The following RBFOX1 variants were observed in gnomAD, a reference collection of about 807,000 sequenced individuals.
RBFOX1 encodes the protein RNA binding protein fox-1 homolog 1.
A neutral mutation model predicts 57.7 loss-of-function variants in RBFOX1; 8 were observed. The observed-to-expected ratio is 0.14, with a 90% CI of 0.08 to 0.25. The LOEUF is 0.25. RBFOX1 is among the 10% of genes least tolerant of loss of function. The pLI is 1.00. For missense variants in RBFOX1, 611 were observed against 548.5 expected (o/e 1.11, Z -1.14); for synonymous variants, 326 against 222.4 (o/e 1.47, Z -4.15).
intron 4 of RBFOX1, among the ~76,000 whole-genome samples, chr16:7,367,370 T>C (rs79786965): frequency 1.3e-5 from 2 of 152,310 alleles, no homozygotes; most frequent in East Asian, 3.9e-4. Flanking sequence ...TGTAAATCTG[T>C]CATTTTGGCT....
chr16:7,162,689 A>G (rs947656837), intron 4 of RBFOX1, among the ~76,000 whole-genome samples: 6 of 152,096 alleles, frequency 3.9e-5, no homozygotes. Context: ...AGATTGCGCC[A>G]CTGCACTCCA....
intron 2 of RBFOX1, among the ~76,000 whole-genome samples, chr16:6,639,774 G>A (rs921003156): frequency 1.3e-5 from 2 of 152,114 alleles, no homozygotes; most frequent in African/African-American, 4.8e-5. Flanking sequence ...AGCTACTCGG[G>A]AGGCTGAGGC....
chr16:6,842,142 GAAAA>G (rs1003554401), intron 3 of RBFOX1, among the ~76,000 whole-genome samples: 2 of 140,216 alleles, frequency 1.4e-5, no homozygotes, highest in Non-Finnish European at 3.1e-5. Context: ...GACTGTCTCA[GAAAA>G]AAAAATAAAA....
At chr16:6,876,622 G>C (rs565480984) in intron 3 of RBFOX1, among the ~76,000 whole-genome samples, 2 of 151,972 alleles carry the variant, frequency 1.3e-5, no homozygotes, top group East Asian at 1.9e-4. Context: ...TAAAAGACTT[G>C]TATCTATTTT....
At chr16:6,835,387 C>A (rs147155128) in intron 3 of RBFOX1, among the ~76,000 whole-genome samples, 1 of 152,130 alleles carries the variant, frequency 6.6e-6, no homozygotes, top group African/African-American at 2.4e-5. Context: ...AGATATAGGA[C>A]CTGTATTAAA....
chr16:7,040,465 G>A (rs202215270), intron 3 of RBFOX1, among the ~76,000 whole-genome samples: 14,298 of 152,104 alleles, frequency 0.094, 1,097 homozygotes, highest in East Asian at 0.32. Flanking sequence ...GCTGCTCTTA[G>A]TATGAATTTA....
rs113735994 is a variant in RBFOX1 at position 5,645,839 on chromosome 16, T to A, written c.318+46878T>A. On this transcript the variant is annotated intron_variant, in intron 3 of 19. Coordinates refer to the RBFOX1 transcript ENST00000641259. ...TGCCACCACATCTGGCTAATTTTTT[T>A]AAAAAAATTTCATAGACAAAGGGTC... 6.3e-3 allele frequency among the ~76,000 whole-genome samples: 956 copies of A among 152,178 alleles called. 6 individuals are homozygous for A. Among genetic ancestry groups the A allele is most frequent in the Non-Finnish European group, 8.9e-3 (603 of 67,996 alleles).
At chr16:7,294,579 A>G (rs1239919188) in intron 4 of RBFOX1, among the ~76,000 whole-genome samples, 2 of 152,094 alleles carry the variant, frequency 1.3e-5, no homozygotes. Flanking sequence ...GCTTAGGGCA[A>G]GCTGTGGATA....
chr16:7,126,125 AGCTTT>A (rs1600262295), intron 4 of RBFOX1, among the ~76,000 whole-genome samples: 1 of 152,156 alleles, frequency 6.6e-6, no homozygotes, highest in East Asian at 1.9e-4. Flanking sequence ...TACATGAATG[AGCTTT>A]CTTCCCCATG....
chr16:7,476,866 C>T (rs563713595), intron 4 of RBFOX1, among the ~76,000 whole-genome samples: 3 of 152,226 alleles, frequency 2.0e-5, no homozygotes, highest in Non-Finnish European at 2.9e-5. Context: ...TGCTGAATAT[C>T]GGCAAAAAGT....
intron 3 of RBFOX1, among the ~76,000 whole-genome samples, chr16:6,852,002 T>C (rs2094097075): frequency 6.7e-6 from 1 of 149,808 alleles, no homozygotes; most frequent in Non-Finnish European, 1.5e-5. Flanking sequence ...CTCGGCTCAC[T>C]GCAAGCTCCA....
At chr16:7,274,309 T>A (rs562832295) in intron 4 of RBFOX1, among the ~76,000 whole-genome samples, 1 of 152,350 alleles carries the variant, frequency 6.6e-6, no homozygotes, top group East Asian at 1.9e-4. Context: ...AGGTACGCTT[T>A]GTTATCCCCA....
intron 2 of RBFOX1, among the ~76,000 whole-genome samples, chr16:6,481,735 T>C (rs950177316): frequency 2.0e-5 from 3 of 152,304 alleles, no homozygotes; most frequent in African/African-American, 7.2e-5. Flanking sequence ...GAGTGGAGCA[T>C]GTTCTTCATG....
At chr16:5,834,586 A>ATAGT (rs1687001003) in intron 3 of RBFOX1, among the ~76,000 whole-genome samples, 1 of 144,772 alleles carries the variant, frequency 6.9e-6, no homozygotes, top group African/African-American at 2.7e-5. Context: ...TCATAGATAG[A>ATAGT]TAGATAGATA....
At chr16:6,335,340 A>T (rs552739601) in intron 2 of RBFOX1, among the ~76,000 whole-genome samples, 88 of 152,278 alleles carry the variant, frequency 5.8e-4, no homozygotes, top group African/African-American at 2.1e-3. Context: ...TGCTTTATTC[A>T]TGCATCTCTC....
chr16:7,682,264 G>C (rs1255168070), intron 14 of RBFOX1, among the ~76,000 whole-genome samples: 2 of 152,108 alleles, frequency 1.3e-5, no homozygotes, highest in Non-Finnish European at 2.9e-5. Flanking sequence ...CAGTCTCTGA[G>C]AAATCTGTTG....
chr16:5,815,875 C>T (rs76174995), intron 3 of RBFOX1, among the ~76,000 whole-genome samples: 2,575 of 152,214 alleles, frequency 0.017, 35 homozygotes, highest in Non-Finnish European at 0.027. Flanking sequence ...GGGCTGGGAG[C>T]CTGGGGCTGG....
intron 1 of RBFOX1, among the ~76,000 whole-genome samples, chr16:6,034,199 G>T (rs8044679): frequency 6.6e-6 from 1 of 151,306 alleles, no homozygotes; most frequent in African/African-American, 2.4e-5. Context: ...GCTGGGGGTG[G>T]TGGTGGGTGC....
At chr16:6,958,144 C>T (rs2082251439) in intron 3 of RBFOX1, among the ~76,000 whole-genome samples, 1 of 152,030 alleles carries the variant, frequency 6.6e-6, no homozygotes, top group South Asian at 2.1e-4. Flanking sequence ...TTTTGAGAAG[C>T]AAGGGGAGGG....
Sources: allele counts gnomAD v4.1 joint callset (sites outside exome capture counted in the v4.1 genomes callset), GRCh38; gene constraint gnomAD v4.1.1; transcripts MANE v1.5; gene names NCBI Gene and HGNC (gene_info 2026-07-23, HGNC 2026-07-21).